The following RELN variants were observed in gnomAD, a reference collection of about 807,000 sequenced individuals.
RELN encodes the protein reelin.
A neutral mutation model predicts 427.6 loss-of-function variants in RELN; 108 were observed. The observed-to-expected ratio is 0.25, with a 90% CI of 0.22 to 0.30. RELN has a LOEUF of 0.30. Ranked by LOEUF, RELN falls within the 10% of genes least tolerant of loss-of-function variation. RELN has a pLI of 1.00. For missense variants in RELN, 3,715 were observed against 4,302.8 expected, an observed-to-expected ratio of 0.86 and a Z score of 3.82; for synonymous variants, 1,524 against 1,513.4, an observed-to-expected ratio of 1.01 and a Z score of -0.16.
intron 3 of RELN, among the ~76,000 whole-genome samples, chr7:103,789,385 T>A (rs1792101068): frequency 6.6e-6 from 1 of 151,976 alleles, no homozygotes; most frequent in Non-Finnish European, 1.5e-5. Flanking sequence ...AAAGAAACTA[T>A]CATTAGAGTG....
Position 103,827,572 on chromosome 7 carries a change from A to C in RELN, c.473+5965T>G, listed in dbSNP as rs78875091. On this transcript the variant is annotated intron_variant, in intron 3 of 64. Coordinates refer to ENST00000428762, the MANE Select transcript of RELN (RefSeq NM_005045.4). ...TGCTGAAGTGCTGATACATATAAGA[A>C]CACACATTAGACCCTGAACTTAGGC... Among the ~76,000 whole-genome samples, 566 of 152,092 alleles carry C rather than the reference A, an allele frequency of 3.7e-3. 20 individuals are homozygous for C. In the East Asian group the frequency reaches 0.062, roughly 17 times the overall value.
intron 3 of RELN, among the ~76,000 whole-genome samples, chr7:103,808,816 T>C (rs1329325656): frequency 1.3e-5 from 2 of 152,108 alleles, no homozygotes; most frequent in Non-Finnish European, 2.9e-5. Context: ...GAATGTTTAA[T>C]GTTATGATGG....
rs777551791 is a variant in RELN at position 103,553,692 on chromosome 7, A to T, written c.5937T>A (p.Gly1979=). The T allele has an allele frequency of 1.2e-6, 2 of 1,614,166 alleles. No homozygotes were observed. Among genetic ancestry groups the T allele is most frequent in the Admixed American group, 1.7e-5 (1 of 60,022 alleles). Residue 1979 remains glycine, a synonymous_variant, in exon 39 of 65, where the codon GGT becomes GGA. Coordinates refer to ENST00000428762, the MANE Select transcript of RELN (RefSeq NM_005045.4). ...NWFFYPGGNI[G]LYCPYSSKGA... is the part of the protein sequence containing the mutation. ...CCTTTGAAGAATATGGACAATAAAG[A>T]CCGATGTTACCACCAGGATAGAAAA...
chr7:103,897,661 T>G (rs903659906), intron 2 of RELN, among the ~76,000 whole-genome samples: 1 of 152,102 alleles, frequency 6.6e-6, no homozygotes, highest in African/African-American at 2.4e-5. Context: ...AAAAGGCACC[T>G]GTTAAAGATT....
intron 57 of RELN, among the ~76,000 whole-genome samples, chr7:103,493,997 A>T (rs577141150): frequency 6.6e-6 from 1 of 152,192 alleles, no homozygotes; most frequent in Non-Finnish European, 1.5e-5. Flanking sequence ...CAGAAGTAAC[A>T]AAAGAGGAGG....
intron 20 of RELN, among the ~76,000 whole-genome samples, chr7:103,625,354 C>T (rs564552309): frequency 6.6e-6 from 1 of 152,362 alleles, no homozygotes; most frequent in African/African-American, 2.4e-5. Context: ...CTTCAACCTT[C>T]TCCCTCAACC....
At chr7:103,672,613 G>C (rs888093214) in intron 11 of RELN, among the ~76,000 whole-genome samples, 3 of 151,818 alleles carry the variant, frequency 2.0e-5, no homozygotes, top group African/African-American at 7.3e-5. Flanking sequence ...GCACTTGTGT[G>C]GTTTTTAAGC....
At chr7:103,683,454 T>C (rs1441240160) in intron 10 of RELN, among the ~76,000 whole-genome samples, 1 of 152,184 alleles carries the variant, frequency 6.6e-6, no homozygotes, top group Non-Finnish European at 1.5e-5. Context: ...ACACATACAG[T>C]CATGTACCAC....
intron 25 of RELN, 66 bp from the exon 26 acceptor site, chr7:103,594,558 A>G: frequency 6.6e-7 from 1 of 1,509,796 alleles, no homozygotes; most frequent in East Asian, 2.3e-5. Flanking sequence ...TTCAGCTATT[A>G]AAACAACAAG....
intron 46 of RELN, among the ~76,000 whole-genome samples, chr7:103,532,288 G>T (rs1258312435): frequency 6.6e-6 from 1 of 152,126 alleles, no homozygotes; most frequent in Non-Finnish European, 1.5e-5. Context: ...ACTGGGGCTT[G>T]TTGGAAAGTG....
chr7:103,912,316 G>T (rs12670967), intron 2 of RELN, among the ~76,000 whole-genome samples: 34,347 of 151,314 alleles, frequency 0.23, 4,407 homozygotes, highest in African/African-American at 0.34. Flanking sequence ...CTGCAAGTAC[G>T]TGGGATTACA....
intron 1 of RELN, among the ~76,000 whole-genome samples, chr7:103,947,199 A>G (rs1053141920): frequency 2.6e-5 from 4 of 152,220 alleles, no homozygotes; most frequent in Admixed American, 2.6e-4. Context: ...CTTACAACAT[A>G]TTCAGTTCTT....
chr7:103,493,292 C>CTGAT (rs1451251002), intron 57 of RELN, among the ~76,000 whole-genome samples: 6 of 152,104 alleles, frequency 3.9e-5, no homozygotes, highest in African/African-American at 1.4e-4. Context: ...GATGTAGTCA[C>CTGAT]TGATTAGATA....
chr7:103,578,429 T>G (rs1170608662), intron 28 of RELN, among the ~76,000 whole-genome samples: 1 of 152,228 alleles, frequency 6.6e-6, no homozygotes, highest in African/African-American at 2.4e-5. Context: ...AGACTGTATT[T>G]CAGAGTGAAA....
At chr7:103,771,019 A>G (rs1229582806) in intron 4 of RELN, among the ~76,000 whole-genome samples, 1 of 148,468 alleles carries the variant, frequency 6.7e-6, no homozygotes, top group Non-Finnish European at 1.5e-5. Flanking sequence ...GGTTTAAGCG[A>G]TTCTCTTGTA....
At chr7:103,939,957 T>C (rs894951747) in intron 1 of RELN, among the ~76,000 whole-genome samples, 1 of 152,216 alleles carries the variant, frequency 6.6e-6, no homozygotes, top group African/African-American at 2.4e-5. Context: ...TTGAACTGGA[T>C]GAAGGTTACA....
At chr7:103,905,408 A>T (rs1278447681) in intron 2 of RELN, among the ~76,000 whole-genome samples, 1 of 152,210 alleles carries the variant, frequency 6.6e-6, no homozygotes, top group Non-Finnish European at 1.5e-5. Flanking sequence ...ACCTCTTTTC[A>T]TAAGATTAAC....
chr7:103,845,812 C>T (rs10272530), intron 2 of RELN, among the ~76,000 whole-genome samples: 21,417 of 151,994 alleles, frequency 0.14, 1,716 homozygotes, highest in East Asian at 0.29. Context: ...TTACAAGGGA[C>T]GTGAAGGACC....
At chr7:103,745,490 A>G (rs1440797401) in intron 6 of RELN, among the ~76,000 whole-genome samples, 5 of 145,856 alleles carry the variant, frequency 3.4e-5, no homozygotes, top group East Asian at 1.9e-4. Flanking sequence ...CTGTTTGCAG[A>G]CGACATGATT....
Sources: allele counts gnomAD v4.1 joint callset (sites outside exome capture counted in the v4.1 genomes callset), GRCh38; gene constraint gnomAD v4.1.1; transcripts MANE v1.5; gene names NCBI Gene and HGNC (gene_info 2026-07-23, HGNC 2026-07-21).